The following OR10S1 variants were observed in gnomAD, a reference collection of about 807,000 sequenced individuals.
The protein encoded by OR10S1 is olfactory receptor family 10 subfamily S member 1, also known as olfactory receptor 10S1.
For missense variants in OR10S1, 415 were observed against 407.9 expected, an observed-to-expected ratio of 1.02 and a Z score of -0.15; for synonymous variants, 167 against 164.1, an observed-to-expected ratio of 1.02 and a Z score of -0.13.
exon 1 of OR10S1, chr11:123,976,766 A>G (rs55944888): frequency 0.16 from 259,606 of 1,613,978 alleles, 21,581 homozygotes; most frequent in Middle Eastern, 0.28. Context: ...AGCATGCTTC[A>G]CCTCCTTGTT....
chr11:123,977,684 C>T (rs775185165), exon 1 of OR10S1: 1 of 1,598,968 alleles, frequency 6.3e-7, no homozygotes, highest in East Asian at 2.2e-5. Context: ...CACAGAGCGG[C>T]TAGTCATCCC....
exon 1 of OR10S1, chr11:123,977,778 G>A: frequency 8.3e-7 from 1 of 1,203,738 alleles, no homozygotes; most frequent in Admixed American, 2.0e-5. Flanking sequence ...ACACCACCTT[G>A]GTCTTACCCA....
exon 1 of OR10S1, chr11:123,977,294 G>A: frequency 6.2e-7 from 1 of 1,614,184 alleles, no homozygotes; most frequent in Non-Finnish European, 8.5e-7. Context: ...GCGGTCATAG[G>A]CCATGACTGT....
At chr11:123,976,943 C>G (rs964797437) in exon 1 of OR10S1, 6 of 1,613,788 alleles carry the variant, frequency 3.7e-6, no homozygotes, top group Admixed American at 1.7e-5. Flanking sequence ...GGAGAAGGCC[C>G]GCTGCCGGCC....
Position 123,976,851 on chromosome 11 carries a change from C to T in OR10S1, c.814G>A (p.Ala272Thr), listed in dbSNP as rs115356837. The change falls in exon 1 of 1, where the codon GCA (alanine) becomes ACA (threonine). Residue 272 changes from alanine (A) to threonine (T), a missense_variant. Ala to Thr is a moderately conservative substitution (Grantham distance 58). Transcript: ENST00000641123. ...AAGACAGCAGGGGCCCCAGCTCCTG[C>T]CTCACTGGAGCGAGGCTGCAGGTAG... The T allele has an allele frequency of 4.9e-3, 7,935 of 1,614,152 alleles. 316 individuals are homozygous for T. In the African/African-American group the frequency reaches 0.091, roughly 19 times the overall value.
chr11:123,977,658 T>G, exon 1 of OR10S1: 1 of 1,602,370 alleles, frequency 6.2e-7, no homozygotes, highest in Non-Finnish European at 8.5e-7. Context: ...TCCGTTGTCA[T>G]GGTCATCTTC....
At chr11:123,977,674 C>A in exon 1 of OR10S1, 4 of 1,600,254 alleles carry the variant, frequency 2.5e-6, no homozygotes, top group Non-Finnish European at 3.4e-6. Context: ...TCTTCTCACA[C>A]ACAGAGCGGC....
chr11:123,977,463 C>T, exon 1 of OR10S1: 2 of 1,614,036 alleles, frequency 1.2e-6, no homozygotes, highest in East Asian at 2.2e-5. Context: ...GAGAGGTGCC[C>T]CAGGAAGTGG....
At chr11:123,976,735 G>A (rs1863722208) in exon 1 of OR10S1, 1 of 1,613,934 alleles carries the variant, frequency 6.2e-7, no homozygotes, top group Non-Finnish European at 8.5e-7. Flanking sequence ...CTCGGAAGCT[G>A]CTGCACAAAA....
At position 123,977,281 on chromosome 11, in the gene OR10S1, A is replaced by T. The variant is rs1167495050; in HGVS notation, c.384T>A (p.Tyr128Ter). Residue 128 changes from tyrosine (Y) to a stop codon, truncating the protein, a stop_gained, in exon 1 of 1, where the codon TAT becomes TAA. Coordinates refer to ENST00000641123, the Ensembl canonical transcript of OR10S1. LOFTEE classifies it low-confidence loss of function (END_TRUNC). ...AGTGCAGGGGTTGACAGATAGCCAG[A>T]TAGCGGTCATAGGCCATGACTGTGT... is the stretch of plus-strand genomic sequence containing the variant. 2 of 1,614,062 alleles carry T rather than the reference A, an allele frequency of 1.2e-6. No individual in the cohort carries two copies. Among genetic ancestry groups the T allele is most frequent in the Non-Finnish European group, 1.7e-6 (2 of 1,180,032 alleles).
exon 1 of OR10S1, chr11:123,976,966 G>A (rs1863725347): frequency 3.1e-6 from 5 of 1,614,018 alleles, no homozygotes; most frequent in Non-Finnish European, 4.2e-6. Flanking sequence ...GGGCTGTGCG[G>A]ATGCGCAACA....
chr11:123,976,836 GGGCCC>G lies in OR10S1; in HGVS notation c.824_828del (p.Gly275AlafsTer?). On this transcript the variant is annotated frameshift_variant, in exon 1 of 1. Coordinates refer to ENST00000641123, the Ensembl canonical transcript of OR10S1. LOFTEE classifies it low-confidence loss of function (END_TRUNC). Reference sequence around the variant, plus strand: ...GTTACGATTGTGTAGAAGACAGCAGGGGCCCCAGCTCCTGCCTCACTGGAGCGAGG... The same window carrying G: ...GTTACGATTGTGTAGAAGACAGCAGGCAGCTCCTGCCTCACTGGAGCGAGG... 6.2e-7 allele frequency: 1 copy of G among 1,614,148 alleles called. No homozygotes were observed. Among genetic ancestry groups the G allele is most frequent in the Non-Finnish European group, 8.5e-7 (1 of 1,180,020 alleles).
chr11:123,977,707 A>G (rs970009407), exon 1 of OR10S1: 2 of 1,591,342 alleles, frequency 1.3e-6, no homozygotes, highest in Non-Finnish European at 1.7e-6. Context: ...TTGCAACAAA[A>G]CTGACATTAA....
At chr11:123,976,914 T>G (rs1342679594) in exon 1 of OR10S1, 2 of 1,613,888 alleles carry the variant, frequency 1.2e-6, no homozygotes, top group Admixed American at 3.3e-5. Flanking sequence ...AGCACCCCAG[T>G]GAGCTGGGCA....
exon 1 of OR10S1, chr11:123,977,337 G>A (rs1453907242): frequency 1.5e-5 from 24 of 1,614,022 alleles, no homozygotes; most frequent in Non-Finnish European, 2.0e-5. Flanking sequence ...GCCAGAAAGT[G>A]GAAGCAATAA....
rs369808063 is a variant in OR10S1, at chr11:123,977,071, G to A, written c.594C>T (p.Thr198=). 61 of 1,614,132 alleles carry A rather than the reference G, an allele frequency of 3.8e-5. No individual in the cohort carries two copies. In the East Asian group the frequency reaches 1.0e-3, roughly 27 times the overall value. The change falls in exon 1 of 1, where the codon ACC becomes ACT. Residue 198 remains threonine, a synonymous_variant. Transcript: ENST00000641123. ...TGGCAAGCATGACTAGCTCATTAAT[G>A]GTGGTGTCTGTACAGGCGAGCTTTA...
rs527686929 is a variant in OR10S1 at position 123,977,712 on chromosome 11, C to T, written c.-48G>A. On this transcript the variant is annotated 5_prime_UTR_variant, in exon 1 of 1. It removes an upstream start codon present in the reference 5' UTR. Transcript: ENST00000641123. ...GTCATCCCCTTTGCAACAAAACTGA[C>T]ATTAATGGAATAAATAGCTGTATCC... 3.1e-6 allele frequency: 5 copies of T among 1,587,954 alleles called. No homozygotes were observed. The African/African-American group carries it at 5.3e-5, about 17-fold the overall frequency.
At chr11:123,977,322 T>C (rs1274199656) in exon 1 of OR10S1, 1 of 1,614,020 alleles carries the variant, frequency 6.2e-7, no homozygotes, top group African/African-American at 1.3e-5. Flanking sequence ...AAGCACTCAG[T>C]GCTGGCCAGA....
chr11:123,977,344 A>G, exon 1 of OR10S1: 17 of 1,614,164 alleles, frequency 1.1e-5, no homozygotes, highest in Non-Finnish European at 1.4e-5. Flanking sequence ...AGTGGAAGCA[A>G]TAAAGCTGTA....
Sources: gnomAD v4.1 joint callset for allele counts on GRCh38, gnomAD v4.1.1 for gene constraint, MANE v1.5 for transcripts, NCBI Gene and HGNC (gene_info 2026-07-23, HGNC 2026-07-21) for gene names.